ITIH5: variants seen among roughly 807,000 people sequenced by gnomAD.
The protein encoded by ITIH5 is inter-alpha-trypsin inhibitor heavy chain H5.
A neutral mutation model predicts 77.5 loss-of-function variants in ITIH5; 65 were observed. The observed-to-expected ratio is 0.84, with a 90% CI of 0.69 to 1.03. The LOEUF (loss-of-function observed/expected upper bound fraction) is 1.03. ITIH5 is among the 50% of genes least tolerant of loss of function. The probability of loss-of-function intolerance (pLI) is 0.00; values close to 1 mark genes in which losing one functional copy is unlikely to be tolerated. For missense variants in ITIH5, 1,208 were observed against 1,213.1 expected (o/e 1.00, Z 0.06); for synonymous variants, 525 against 494.3 (o/e 1.06, Z -0.82).
At chr10:7,656,268 G>C (rs1196564583) in intron 1 of ITIH5, among the ~76,000 whole-genome samples, 3 of 152,282 alleles carry the variant, frequency 2.0e-5, no homozygotes, top group Admixed American at 1.3e-4. Flanking sequence ...AGGTTGGAGG[G>C]CAGTGGTGCG....
At chr10:7,584,353 G>T (rs1832630292) in intron 8 of ITIH5, among the ~76,000 whole-genome samples, 1 of 148,732 alleles carries the variant, frequency 6.7e-6, no homozygotes, top group African/African-American at 2.5e-5. Context: ...ACCCAGGCTG[G>T]AGTGCACTGG....
Position 7,626,270 on chromosome 10 carries a change from G to T in ITIH5, c.653-8988C>A, listed in dbSNP as rs1474971949. ...AAGAGGAGGTGTCTCACCGGTATTG[G>T]GCTACAGAGAAAAGCCAAAGCCTCT... On this transcript the variant is annotated intron_variant, in intron 5 of 13. Coordinates refer to ENST00000397146, the MANE Select transcript of ITIH5 (RefSeq NM_030569.7). Among the ~76,000 whole-genome samples, 3 of 152,122 alleles carry T rather than the reference G, an allele frequency of 2.0e-5. No individual in the cohort carries two copies. The East Asian group carries it at 5.8e-4, about 29-fold the overall frequency.
chr10:7,602,034 A>G (rs1159936341), intron 7 of ITIH5, among the ~76,000 whole-genome samples: 1 of 152,042 alleles, frequency 6.6e-6, no homozygotes, highest in Non-Finnish European at 1.5e-5. Context: ...TTACGTTTTT[A>G]GTAGAGACAG....
intron 7 of ITIH5, among the ~76,000 whole-genome samples, chr10:7,611,758 CTTTT>C (rs1482461490): frequency 1.3e-5 from 2 of 151,600 alleles, no homozygotes; most frequent in African/African-American, 4.8e-5. Context: ...GTTTTGTTTA[CTTTT>C]TTTTGTTTAC....
intron 1 of ITIH5, among the ~76,000 whole-genome samples, chr10:7,656,800 G>A (rs1439025462): frequency 7.2e-6 from 1 of 139,058 alleles, no homozygotes; most frequent in Non-Finnish European, 1.5e-5. Flanking sequence ...CTGGAGTGCT[G>A]TGGCATGGTC....
At chr10:7,599,720 T>C (rs897371612) in intron 7 of ITIH5, among the ~76,000 whole-genome samples, 1 of 152,170 alleles carries the variant, frequency 6.6e-6, no homozygotes, top group African/African-American at 2.4e-5. Flanking sequence ...ATGGACAGGC[T>C]GGGAAAAAGC....
At chr10:7,591,387 C>T (rs926053429) in intron 7 of ITIH5, among the ~76,000 whole-genome samples, 2 of 152,172 alleles carry the variant, frequency 1.3e-5, no homozygotes, top group Admixed American at 6.5e-5. Context: ...TCCTTCCCCG[C>T]CTTCCTGACA....
chr10:7,666,671 G>C, intron 1 of ITIH5, 132 bp downstream of exon 1: 1 of 638,234 alleles, frequency 1.6e-6, no homozygotes, highest in South Asian at 2.0e-5. Context: ...GACCCACAGA[G>C]AGGGACCCCT....
intron 5 of ITIH5, among the ~76,000 whole-genome samples, chr10:7,627,248 A>T (rs1833596344): frequency 6.6e-6 from 1 of 151,704 alleles, no homozygotes; most frequent in Non-Finnish European, 1.5e-5. Flanking sequence ...GCACATGTAT[A>T]CCTATGTAAC....
intron 2 of ITIH5, among the ~76,000 whole-genome samples, chr10:7,654,794 G>A (rs1428612308): frequency 6.6e-6 from 1 of 152,140 alleles, no homozygotes; most frequent in African/African-American, 2.4e-5. Context: ...TTTAATCTCA[G>A]CCCCTTCACA....
At chr10:7,586,503 C>T (rs1458592675) in intron 7 of ITIH5, among the ~76,000 whole-genome samples, 1 of 152,138 alleles carries the variant, frequency 6.6e-6, no homozygotes, top group African/African-American at 2.4e-5. Flanking sequence ...GCTGGCAAAG[C>T]CCTCAATGCA....
At chr10:7,649,712 A>T (rs1352051499) in intron 2 of ITIH5, among the ~76,000 whole-genome samples, 1 of 152,226 alleles carries the variant, frequency 6.6e-6, no homozygotes, top group Non-Finnish European at 1.5e-5. Context: ...TGGAAATGGA[A>T]ATGAATCACA....
chr10:7,569,714 C>A lies in ITIH5; in HGVS notation c.2103G>T (p.Gly701=). ...SRLTVCFNID[G]QPGDILRLVS... ...CCAGCCTGAGGATGTCCCCGGGCTGCCCATCAATGTTGAAGCACACGGTGA... is the reference window on the plus strand; with the variant it reads ...CCAGCCTGAGGATGTCCCCGGGCTGACCATCAATGTTGAAGCACACGGTGA... Residue 701 remains glycine (G), a synonymous_variant, in exon 12 of 14, where the codon GGG becomes GGT. Coordinates refer to ENST00000397146, the MANE Select transcript of ITIH5 (RefSeq NM_030569.7). 6.2e-7 allele frequency: 1 copy of A among 1,612,920 alleles called. No individual in the cohort carries two copies. The highest frequency in any genetic ancestry group is 1.1e-5 in the South Asian group (1 of 90,794).
chr10:7,587,720 C>T (rs1315940829), intron 7 of ITIH5, among the ~76,000 whole-genome samples: 1 of 152,202 alleles, frequency 6.6e-6, no homozygotes, highest in Non-Finnish European at 1.5e-5. Flanking sequence ...CTGTTACTTG[C>T]TGGCTGGTGG....
chr10:7,563,614 A>G (rs1298464561), intron 13 of ITIH5, among the ~76,000 whole-genome samples: 4 of 152,216 alleles, frequency 2.6e-5, no homozygotes, highest in South Asian at 2.1e-4. Flanking sequence ...CCCAGCTGCT[A>G]ACACTAGAAA....
intron 7 of ITIH5, among the ~76,000 whole-genome samples, chr10:7,602,261 T>C (rs768064568): frequency 1.3e-5 from 2 of 152,212 alleles, no homozygotes; most frequent in Non-Finnish European, 2.9e-5. Flanking sequence ...CCCAAGTCCA[T>C]ACCTCCAGGC....
At chr10:7,648,845 A>G (rs1201241850) in intron 2 of ITIH5, among the ~76,000 whole-genome samples, 1 of 152,248 alleles carries the variant, frequency 6.6e-6, no homozygotes, top group Non-Finnish European at 1.5e-5. Context: ...TAGATTTAGT[A>G]GAATTTTCCA....
intron 5 of ITIH5, chr10:7,619,020 T>C (rs552488304): frequency 1.3e-5 from 2 of 152,318 alleles, no homozygotes; most frequent in African/African-American, 2.4e-5. Flanking sequence ...GACAGTTACA[T>C]AAGAGAGAAC....
chr10:7,644,936 TCA>T (rs1833986155), intron 2 of ITIH5, among the ~76,000 whole-genome samples: 1 of 24,480 alleles, frequency 4.1e-5, no homozygotes, highest in South Asian at 1.8e-3. Context: ...CATATATATA[TCA>T]CATATATATA....
Sources: gnomAD v4.1 joint callset for allele counts (sites outside exome capture counted in the v4.1 genomes callset) on GRCh38, gnomAD v4.1.1 for gene constraint, MANE v1.5 for transcripts, NCBI Gene and HGNC (gene_info 2026-07-23, HGNC 2026-07-21) for gene names.